Variants in ARPC2 observed in about 807,000 individuals in gnomAD.
ARPC2 encodes actin related protein 2/3 complex subunit 2.
ARPC2 carries 4 observed loss-of-function variants against 38.6 expected under a neutral mutation model. The ratio of observed to expected loss-of-function variants is 0.10; its 90% CI spans 0.05 to 0.24. The LOEUF is 0.24. ARPC2 is among the 10% of genes least tolerant of loss of function. The pLI, the probability that ARPC2 is intolerant of heterozygous loss-of-function variation, is 1.00. For missense variants in ARPC2, 229 were observed against 387.3 expected, an observed-to-expected ratio of 0.59 and a Z score of 3.43; for synonymous variants, 125 against 140.8, an observed-to-expected ratio of 0.89 and a Z score of 0.79.
Position 218,239,383 on chromosome 2 carries a change from C to A in ARPC2, c.456-8C>A. The A allele has an allele frequency of 6.2e-7, 1 of 1,604,186 alleles. No homozygotes were observed. Among genetic ancestry groups the A allele is most frequent in the Non-Finnish European group, 8.5e-7 (1 of 1,171,204 alleles). On this transcript the variant is annotated splice_polypyrimidine_tract_variant and splice_region_variant and intron_variant, in intron 6 of 10. Transcript: ENST00000315717. ...TGTACTTATCCTCATGGATTTTGTT[C>A]CTCTCAGGTATGTTGAGTCTAAAAA...
At chr2:218,222,543 C>T (rs1228562586) in intron 2 of ARPC2, among the ~76,000 whole-genome samples, 2 of 152,288 alleles carry the variant, frequency 1.3e-5, no homozygotes, top group Middle Eastern at 3.4e-3. Flanking sequence ...ACCCAGCCGG[C>T]TTGTTCTAGG....
intron 1 of ARPC2, 78 bp downstream of exon 1, chr2:218,217,332 G>T: frequency 1.4e-6 from 1 of 731,118 alleles, no homozygotes; most frequent in East Asian, 2.7e-5. Context: ...CTCCACCCCG[G>T]CCCCTCTCCC....
chr2:218,217,608 T>C (rs766446870), intron 2 of ARPC2, 64 bp downstream of exon 2: 32 of 1,454,734 alleles, frequency 2.2e-5, no homozygotes, highest in Non-Finnish European at 3.0e-5. Context: ...TAATCCCCAA[T>C]GTTGTCCAGT....
chr2:218,237,523 A>T (rs1395534462), intron 5 of ARPC2, among the ~76,000 whole-genome samples: 1 of 132,484 alleles, frequency 7.5e-6, no homozygotes, highest in East Asian at 2.2e-4. Context: ...CCCACCACCA[A>T]TTTTTTTTTT....
chr2:218,251,920 T>C (rs1690201595), intron 10 of ARPC2, among the ~76,000 whole-genome samples: 1 of 152,124 alleles, frequency 6.6e-6, no homozygotes. Flanking sequence ...TTTTCAGACA[T>C]TGTCAAAAAG....
chr2:218,253,767 A>G (rs2106162864), intron 10 of ARPC2, 124 bp from the exon 11 acceptor site: 2 of 1,251,764 alleles, frequency 1.6e-6, no homozygotes, highest in East Asian at 4.9e-5. Context: ...GCCTCTGCTT[A>G]AGGAATCTAG....
At chr2:218,253,006 C>T in intron 10 of ARPC2, 1 of 456,870 alleles carries the variant, frequency 2.2e-6, no homozygotes, top group Non-Finnish European at 4.4e-6. Flanking sequence ...CTGCATCCAC[C>T]CTGAAAACCA....
intron 10 of ARPC2, among the ~76,000 whole-genome samples, chr2:218,251,597 G>A (rs1307103722): frequency 1.3e-5 from 2 of 152,016 alleles, no homozygotes; most frequent in Non-Finnish European, 2.9e-5. Flanking sequence ...GGGACCACAG[G>A]CATGCACCAT....
intron 4 of ARPC2, among the ~76,000 whole-genome samples, chr2:218,229,795 A>C (rs1237991544): frequency 1.3e-5 from 2 of 152,240 alleles, no homozygotes; most frequent in African/African-American, 4.8e-5. Context: ...TCAAAGAAAG[A>C]AGAAATATTT....
intron 8 of ARPC2, among the ~76,000 whole-genome samples, chr2:218,246,517 G>T (rs1690036027): frequency 6.6e-6 from 1 of 152,080 alleles, no homozygotes; most frequent in East Asian, 1.9e-4. Context: ...ATGACAGAGT[G>T]AGACCTTGTC....
At chr2:218,217,324 C>T (rs938932934) in intron 1 of ARPC2, 70 bp downstream of exon 1, 2 of 691,436 alleles carry the variant, frequency 2.9e-6, no homozygotes, top group Non-Finnish European at 5.1e-6. Context: ...ACCCTTCCCT[C>T]CACCCCGGCC....
At position 218,217,453 on chromosome 2, in the gene ARPC2, C is replaced by T. The variant is rs767980473; in HGVS notation, c.-8-10C>T. On this transcript the variant is annotated splice_polypyrimidine_tract_variant and intron_variant, in intron 1 of 10. Transcript: ENST00000315717. ...TCACCGGCCCTTGTTTCTCCTTCCC[C>T]TGGGGGCAGCCGCCGCCATGATCCT... is the stretch of plus-strand genomic sequence containing the variant. 36 of 1,613,602 alleles carry T rather than the reference C, an allele frequency of 2.2e-5. No homozygotes were observed. The highest frequency in any genetic ancestry group is 2.5e-5 in the Non-Finnish European group (29 of 1,179,732).
rs766773047 is a variant in ARPC2, at chr2:218,253,978, T to C, written c.*63T>C. On this transcript the variant is annotated 3_prime_UTR_variant, in exon 11 of 11. Transcript: ENST00000315717. Reference sequence around the variant, plus strand: ...GGCTGGAACACTTGCTACTGGATAATCGTAGCTTTTAATGTTGCGCCTCTT... The same window carrying C: ...GGCTGGAACACTTGCTACTGGATAACCGTAGCTTTTAATGTTGCGCCTCTT... 1 of 1,598,492 alleles carries C rather than the reference T, an allele frequency of 6.3e-7. No homozygotes were observed. Among genetic ancestry groups the C allele is most frequent in the South Asian group, 1.1e-5 (1 of 90,606 alleles).
chr2:218,226,855 T>C (rs1689509290), intron 3 of ARPC2: 1 of 210,552 alleles, frequency 4.7e-6, no homozygotes, highest in Non-Finnish European at 1.0e-5. Context: ...TATCTTCAAG[T>C]AGCTGTCAGT....
intron 2 of ARPC2, among the ~76,000 whole-genome samples, chr2:218,222,365 G>T (rs1445229946): frequency 2.0e-5 from 3 of 152,140 alleles, no homozygotes; most frequent in African/African-American, 7.2e-5. Context: ...TAATACAGTT[G>T]CCAGAAGCCC....
At chr2:218,241,174 T>C (rs1377476088) in intron 7 of ARPC2, among the ~76,000 whole-genome samples, 2 of 152,234 alleles carry the variant, frequency 1.3e-5, no homozygotes, top group African/African-American at 4.8e-5. Flanking sequence ...CAGAATCTCT[T>C]TTGCCAAATA....
chr2:218,237,589 T>G (rs1466121146), intron 5 of ARPC2, among the ~76,000 whole-genome samples: 15 of 151,646 alleles, frequency 9.9e-5, no homozygotes, highest in South Asian at 2.1e-4. Flanking sequence ...TTTTGTTTTT[T>G]TTTTTTGGAG....
At chr2:218,253,786 A>T in intron 10 of ARPC2, 105 bp from the exon 11 acceptor site, 1 of 1,381,912 alleles carries the variant, frequency 7.2e-7, no homozygotes, top group Non-Finnish European at 9.8e-7. Flanking sequence ...AGCCCTTTCC[A>T]CCTCTCATTT....
chr2:218,219,603 GC>G (rs1689339053), intron 2 of ARPC2, among the ~76,000 whole-genome samples: 1 of 152,164 alleles, frequency 6.6e-6, no homozygotes, highest in South Asian at 2.1e-4. Context: ...GCCCGCCTCG[GC>G]CTCCCAAAGT....
Sources: gnomAD v4.1 joint callset for allele counts (sites outside exome capture counted in the v4.1 genomes callset) on GRCh38, gnomAD v4.1.1 for gene constraint, MANE v1.5 for transcripts, NCBI Gene and HGNC (gene_info 2026-07-23, HGNC 2026-07-21) for gene names.